Variants in CDH12 observed in about 807,000 individuals in gnomAD.
The protein encoded by CDH12 is cadherin 12.
Under a neutral mutation model 74.1 loss-of-function variants are expected in CDH12, and 41 were observed. The observed-to-expected ratio is 0.55, with a 90% CI of 0.43 to 0.72. The LOEUF (loss-of-function observed/expected upper bound fraction) is 0.72. Among genes scored for constraint, CDH12 ranks in the 30% least tolerant of loss-of-function variants. CDH12 has a pLI of 0.00. For synonymous variants in CDH12, 399 were observed against 355.0 expected (o/e 1.12, Z -1.39); for missense variants, 945 against 977.2 (o/e 0.97, Z 0.44).
intron 1 of CDH12, among the ~76,000 whole-genome samples, chr5:22,770,653 A>G (rs572558298): frequency 6.6e-6 from 1 of 152,262 alleles, no homozygotes; most frequent in Non-Finnish European, 1.5e-5. Context: ...AATTAATAAT[A>G]TGGTAGCAGC....
chr5:22,591,152 G>C (rs1736295088), intron 1 of CDH12, among the ~76,000 whole-genome samples: 2 of 152,086 alleles, frequency 1.3e-5, no homozygotes. Context: ...TCTCACAAAT[G>C]CTTTGCATGT....
intron 4 of CDH12, among the ~76,000 whole-genome samples, chr5:22,119,474 G>A (rs1745376540): frequency 1.3e-5 from 2 of 151,742 alleles, no homozygotes; most frequent in South Asian, 4.2e-4. Flanking sequence ...ATTTTTAGTG[G>A]AGATGGGGTT....
chr5:22,088,154 C>A (rs1208348170), intron 4 of CDH12, among the ~76,000 whole-genome samples: 2 of 152,120 alleles, frequency 1.3e-5, no homozygotes, highest in African/African-American at 4.8e-5. Context: ...TTCTACACAG[C>A]AAAGCAGCAA....
intron 4 of CDH12, among the ~76,000 whole-genome samples, chr5:22,123,126 G>A (rs1745622032): frequency 6.6e-6 from 1 of 152,160 alleles, no homozygotes. Flanking sequence ...CTAACATGAT[G>A]GTATTAGGAG....
chr5:22,575,958 A>G (rs1222334532), intron 1 of CDH12, among the ~76,000 whole-genome samples: 1 of 151,920 alleles, frequency 6.6e-6, no homozygotes, highest in Non-Finnish European at 1.5e-5. Context: ...TCCTGGGCTC[A>G]AGTGATCCTC....
intron 4 of CDH12, among the ~76,000 whole-genome samples, chr5:22,102,783 C>T (rs532609481): frequency 4.3e-4 from 65 of 152,178 alleles, no homozygotes; most frequent in African/African-American, 1.5e-3. Flanking sequence ...ATGAGAACTC[C>T]GTGGATTAAT....
At chr5:22,750,341 C>T (rs1745502424) in intron 1 of CDH12, among the ~76,000 whole-genome samples, 1 of 152,060 alleles carries the variant, frequency 6.6e-6, no homozygotes, top group South Asian at 2.1e-4. Flanking sequence ...AAGGGCAAGC[C>T]ATTTGCAGTC....
chr5:22,738,530 C>T (rs1212663606), intron 1 of CDH12, among the ~76,000 whole-genome samples: 1 of 151,918 alleles, frequency 6.6e-6, no homozygotes, highest in African/African-American at 2.4e-5. Flanking sequence ...GGAGAAAATT[C>T]AGTATTGTGA....
In CDH12 at chr5:22,585,675, C is replaced by A. The variant is rs76717921; in HGVS notation, c.-522-80311G>T. 6.3e-3 allele frequency among the ~76,000 whole-genome samples: 955 copies of A among 152,232 alleles called. 7 individuals are homozygous for A. The highest frequency in any genetic ancestry group is 0.021 in the African/African-American group (890 of 41,536). ...TCAGTTTACCAACTGTCTTGTCAATCAGGAAAAACCTGCCCTTAAACCCGT... is the reference window on the plus strand; with the variant it reads ...TCAGTTTACCAACTGTCTTGTCAATAAGGAAAAACCTGCCCTTAAACCCGT... On this transcript the variant is annotated intron_variant, in intron 1 of 14. Transcript: ENST00000382254.
At chr5:22,464,924 C>T (rs1049004249) in intron 2 of CDH12, among the ~76,000 whole-genome samples, 6 of 151,506 alleles carry the variant, frequency 4.0e-5, no homozygotes, top group Admixed American at 1.3e-4. Context: ...ATGGCTTGAA[C>T]CCGGGAGGCG....
chr5:22,336,819 C>T (rs1448475726), intron 3 of CDH12, among the ~76,000 whole-genome samples: 1 of 152,212 alleles, frequency 6.6e-6, no homozygotes, highest in Non-Finnish European at 1.5e-5. Flanking sequence ...CACACAGAGT[C>T]CCTATTGGGG....
chr5:21,778,062 C>T (rs1745691462), intron 11 of CDH12, among the ~76,000 whole-genome samples: 1 of 152,114 alleles, frequency 6.6e-6, no homozygotes, highest in Admixed American at 6.5e-5. Flanking sequence ...CAAATGTTTT[C>T]ATTACTTGAG....
At chr5:22,154,967 T>C (rs972738640) in intron 4 of CDH12, among the ~76,000 whole-genome samples, 2 of 152,116 alleles carry the variant, frequency 1.3e-5, no homozygotes, top group African/African-American at 4.8e-5. Flanking sequence ...GCAGCATTTG[T>C]TTCCTTGTGG....
intron 10 of CDH12, among the ~76,000 whole-genome samples, chr5:21,800,130 C>T (rs1747028266): frequency 6.6e-6 from 1 of 152,148 alleles, no homozygotes; most frequent in African/African-American, 2.4e-5. Flanking sequence ...TTTGGAAACA[C>T]ATAATTTATT....
At chr5:22,314,994 C>A (rs1738559783) in intron 3 of CDH12, among the ~76,000 whole-genome samples, 1 of 97,140 alleles carries the variant, frequency 1.0e-5, no homozygotes, top group East Asian at 3.0e-4. Context: ...CCCTCTGTCA[C>A]CCAGGCTGGA....
chr5:22,044,863 A>C (rs1458517193), intron 5 of CDH12, among the ~76,000 whole-genome samples: 1 of 152,198 alleles, frequency 6.6e-6, no homozygotes, highest in Non-Finnish European at 1.5e-5. Flanking sequence ...AACAGGGGAA[A>C]TGCTACAAGT....
At chr5:22,743,273 T>TATATACATATATATGTATATATAC (rs61656133) in intron 1 of CDH12, among the ~76,000 whole-genome samples, 1 of 144,808 alleles carries the variant, frequency 6.9e-6, no homozygotes, top group Non-Finnish European at 1.5e-5. Flanking sequence ...TATATATATA[T>TATATACATATATATGTATATATAC]ATATATATGT....
intron 6 of CDH12, among the ~76,000 whole-genome samples, chr5:21,885,150 G>C (rs565293856): frequency 2.0e-5 from 3 of 152,030 alleles, no homozygotes; most frequent in African/African-American, 7.3e-5. Context: ...GCCTCCCAAA[G>C]TGCTGGGATT....
chr5:22,713,288 A>T (rs142570638), intron 1 of CDH12, among the ~76,000 whole-genome samples: 4,196 of 151,520 alleles, frequency 0.028, 197 homozygotes, highest in African/African-American at 0.097. Context: ...CTACAGGCAC[A>T]AACCACCATG....
Sources: gnomAD v4.1 joint callset for allele counts (sites outside exome capture counted in the v4.1 genomes callset) on GRCh38, gnomAD v4.1.1 for gene constraint, MANE v1.5 for transcripts, NCBI Gene and HGNC (gene_info 2026-07-23, HGNC 2026-07-21) for gene names.